The following ARMCX4 variants were observed in gnomAD, a reference collection of about 807,000 sequenced individuals.
ARMCX4 encodes the protein armadillo repeat-containing X-linked protein 4.
In ARMCX4, 3 loss-of-function variants were observed where a neutral mutation model predicts 34.7. The observed-to-expected ratio is 0.09, with a 90% CI of 0.04 to 0.22. The LOEUF (loss-of-function observed/expected upper bound fraction) is 0.22, where lower values mean the gene tolerates loss of function less well. Among genes scored for constraint, ARMCX4 ranks in the 10% least tolerant of loss-of-function variants. The pLI is 1.00. For synonymous variants in ARMCX4, 513 were observed against 632.8 expected, an observed-to-expected ratio of 0.81 and a Z score of 2.84; for missense variants, 1,448 against 1,720.8, an observed-to-expected ratio of 0.84 and a Z score of 2.81.
intron 4 of ARMCX4, among the ~76,000 whole-genome samples, chrX:101,479,707 C>G (rs1410077497): frequency 9.1e-6 from 1 of 110,295 alleles, no homozygotes; most frequent in Non-Finnish European, 1.9e-5. Flanking sequence ...TCTTGAACTC[C>G]TGACCTCAAG....
chrX:101,460,284 G>A (rs1208773186), intron 4 of ARMCX4, among the ~76,000 whole-genome samples: 1 of 111,900 alleles, frequency 8.9e-6, no homozygotes, highest in Non-Finnish European at 1.9e-5. Context: ...AAATGTAAGG[G>A]AACCAGTCAC....
chrX:101,466,334 A>G (rs1453300280), intron 4 of ARMCX4, among the ~76,000 whole-genome samples: 1 of 111,868 alleles, frequency 8.9e-6, no homozygotes, highest in Non-Finnish European at 1.9e-5. Context: ...AGAGTTTTGT[A>G]TAGAGTTAAA....
downstream of ARMCX4, among the ~76,000 whole-genome samples, chrX:101,452,801 C>T (rs916097642): frequency 2.0e-4 from 22 of 109,807 alleles, no homozygotes; most frequent in Non-Finnish European, 1.5e-4. Context: ...AGGGATCTAC[C>T]CACCTCGGCC....
chrX:101,487,334 T>A (rs781834790), intron 3 of ARMCX4, 62 bp downstream of exon 3: 3 of 142,279 alleles, frequency 2.1e-5, no homozygotes, highest in South Asian at 1.6e-4. Flanking sequence ...AGGAGGTGGG[T>A]GAGATTTAAG....
At chrX:101,533,481 C>T (rs1335646069), downstream of ARMCX4, 2 of 111,258 alleles carry the variant, frequency 1.8e-5, no homozygotes, top group South Asian at 7.5e-4. Flanking sequence ...TTTTTACTGG[C>T]TAGGACTCTG....
At chrX:101,456,655 AATCTCATTTAATC>A (rs1932301354) in intron 4 of ARMCX4, among the ~76,000 whole-genome samples, 1 of 111,757 alleles carries the variant, frequency 8.9e-6, no homozygotes, top group Non-Finnish European at 1.9e-5. Flanking sequence ...ACTCATAACT[AATCTCATTTAATC>A]CTTCTAAAGA....
intron 4 of ARMCX4, among the ~76,000 whole-genome samples, chrX:101,464,290 C>A (rs1197650353): frequency 9.0e-6 from 1 of 111,348 alleles, no homozygotes; most frequent in Non-Finnish European, 1.9e-5. Flanking sequence ...GCAGGAGAAT[C>A]ACTTGAACCT....
In ARMCX4 at chrX:101,491,632, G is replaced by T; in HGVS notation, c.3043G>T (p.Val1015Leu). 1.7e-6 allele frequency: 2 copies of T among 1,155,934 alleles called. No individual in the cohort carries two copies. The highest frequency in any genetic ancestry group is 2.3e-6 in the Non-Finnish European group (2 of 872,769). ...RNKVKGNTIAVPKAGTGAGTR... is the reference protein window; with the variant it reads ...RNKVKGNTIALPKAGTGAGTR... ...TAAGGTCAAGGGCAATACCATTGCT[G>T]TGCCTAAAGCAGGGACTGGGGCAGG... The change falls in exon 6 of 6, where the codon GTG (valine) becomes TTG (leucine). Residue 1015 changes from valine to leucine, a missense_variant. Around this residue, in one of 2 missense-constraint regions of ARMCX4, gnomAD observed 1,343 missense variants for 1,540.7 expected, o/e 0.87. Coordinates refer to ENST00000423738, the MANE Select transcript of ARMCX4 (RefSeq NM_001256155.3).
At chrX:101,523,585 G>T (rs1339051160) in intron 11 of ARMCX4, among the ~76,000 whole-genome samples, 4 of 111,778 alleles carry the variant, frequency 3.6e-5, no homozygotes, top group Non-Finnish European at 7.5e-5. Context: ...AGTTGCACAT[G>T]TTGGGGGAAA....
At chrX:101,517,966 TAGAC>T (rs1429475063) in intron 11 of ARMCX4, among the ~76,000 whole-genome samples, 1 of 111,810 alleles carries the variant, frequency 8.9e-6, no homozygotes, top group African/African-American at 3.2e-5. Flanking sequence ...TAAGAATAGT[TAGAC>T]AGATCTTAAG....
Position 101,488,714 on chromosome X carries a change from G to A in ARMCX4, c.125G>A (p.Gly42Glu). The change falls in exon 6 of 6, where the codon GGA becomes GAA. Residue 42 changes from glycine to glutamate, a missense_variant. By Grantham distance (98) the Gly-to-Glu change is moderately conservative. This residue lies in a region of ARMCX4 where 1,343 missense variants were observed against 1,540.7 expected (regional missense o/e 0.87). Coordinates refer to ENST00000423738, the MANE Select transcript of ARMCX4 (RefSeq NM_001256155.3). The part of the protein sequence containing the change: ...AQSVRTLARN[G>E]STVKMETVVG... ...AGTGTGAGGACTCTTGCCAGAAATG[G>A]ATCCACAGTTAAGATGGAGACTGTG... 1 of 1,155,917 alleles carries A rather than the reference G, an allele frequency of 8.7e-7. No homozygotes were observed. The highest frequency in any genetic ancestry group is 1.1e-6 in the Non-Finnish European group (1 of 872,749).
At chrX:101,435,570 T>G (rs1447483206) in intron 2 of ARMCX4, among the ~76,000 whole-genome samples, 1 of 111,373 alleles carries the variant, frequency 9.0e-6, no homozygotes, top group African/African-American at 3.3e-5. Context: ...TTGCAAAAAT[T>G]TTCTCCCATT....
At chrX:101,432,905 TACAC>T (rs35821734) in intron 2 of ARMCX4, among the ~76,000 whole-genome samples, 2 of 88,895 alleles carry the variant, frequency 2.2e-5, no homozygotes, top group African/African-American at 7.8e-5. Context: ...TACGTGTATA[TACAC>T]ACACGTATAC....
chrX:101,514,726 CATA>C (rs1467078656), intron 11 of ARMCX4, among the ~76,000 whole-genome samples: 4 of 111,654 alleles, frequency 3.6e-5, no homozygotes, highest in African/African-American at 1.3e-4. Flanking sequence ...AGTGGTCCAA[CATA>C]ATCAACCTGC....
intron 5 of ARMCX4, 28 bp from the exon 6 acceptor site, chrX:101,488,416 T>C (rs782437428): frequency 9.3e-5 from 101 of 1,083,877 alleles, no homozygotes; most frequent in Non-Finnish European, 6.1e-5. Context: ...AAGAGAAATT[T>C]TAGTCCATTT....
At chrX:101,482,899 T>A (rs1933518495), upstream of ARMCX4, among the ~76,000 whole-genome samples, 1 of 84,268 alleles carries the variant, frequency 1.2e-5, no homozygotes, top group African/African-American at 4.5e-5. Flanking sequence ...GCTTTTTTTT[T>A]TTTTTTTTTT....
chrX:101,463,863 C>T (rs1158068737), intron 4 of ARMCX4, among the ~76,000 whole-genome samples: 1 of 110,471 alleles, frequency 9.1e-6, no homozygotes, highest in Non-Finnish European at 1.9e-5. Flanking sequence ...GATGGATCCT[C>T]CCACCTCAGC....
rs1556007728 is a variant in ARMCX4, at chrX:101,489,005, C to A, written c.416C>A (p.Ala139Asp). 2 of 1,156,033 alleles carry A rather than the reference C, an allele frequency of 1.7e-6. No individual in the cohort carries two copies. Among genetic ancestry groups the A allele is most frequent in the South Asian group, 3.8e-5 (2 of 52,734 alleles). ...AVTLTEVKAK[A>D]REVAMKEAVT... is the part of the protein sequence containing the mutation. ...ACTCTGACTGAGGTCAAGGCCAAAG[C>A]CAGGGAAGTGGCCATGAAAGAAGCA... Residue 139 changes from alanine to aspartate, a missense_variant, in exon 6 of 6, where the codon GCC (alanine) becomes GAC (aspartate). Physicochemically the swap from Ala to Asp is moderately radical, Grantham distance 126. Coordinates refer to ENST00000423738, the MANE Select transcript of ARMCX4 (RefSeq NM_001256155.3).
chrX:101,477,309 A>G (rs1274699886), intron 4 of ARMCX4, among the ~76,000 whole-genome samples: 1 of 106,486 alleles, frequency 9.4e-6, no homozygotes, highest in Non-Finnish European at 1.9e-5. Flanking sequence ...ACATGGTGGC[A>G]CGCACCTGTA....
Sources: allele counts gnomAD v4.1 joint callset (sites outside exome capture counted in the v4.1 genomes callset), GRCh38; gene constraint gnomAD v4.1.1; regional missense constraint gnomAD v4.1.1; transcripts MANE v1.5; gene names NCBI Gene and HGNC (gene_info 2026-07-23, HGNC 2026-07-21).